The following LRRC7 variants were observed in gnomAD, a reference collection of about 807,000 sequenced individuals.
LRRC7 encodes leucine rich repeat containing 7.
A neutral mutation model predicts 175.7 loss-of-function variants in LRRC7; 23 were observed. The ratio of observed to expected loss-of-function variants is 0.13; its 90% confidence interval spans 0.09 to 0.19. The LOEUF is 0.19. Ranked by LOEUF, LRRC7 falls within the 10% of genes least tolerant of loss-of-function variation. The probability of loss-of-function intolerance (pLI) is 1.00; values close to 1 mark genes in which losing one functional copy is unlikely to be tolerated. For missense variants in LRRC7, 1,354 were observed against 1,904.7 expected (o/e 0.71, Z 5.38); for synonymous variants, 685 against 680.9 (o/e 1.01, Z -0.09).
At chr1:69,726,788 A>T (rs1044438785) in intron 2 of LRRC7, among the ~76,000 whole-genome samples, 1 of 152,120 alleles carries the variant, frequency 6.6e-6, no homozygotes, top group Non-Finnish European at 1.5e-5. Context: ...AAAAAAAAAG[A>T]ATACCAAGGA....
intron 6 of LRRC7, 59 bp from the exon 7 acceptor site, chr1:69,838,168 A>T (rs1398432123): frequency 4.2e-6 from 5 of 1,188,382 alleles, no homozygotes; most frequent in Non-Finnish European, 6.3e-6. Context: ...ACTAGATCTT[A>T]TTCAATAATT....
At chr1:69,767,284 C>A (rs1257929679) in intron 3 of LRRC7, among the ~76,000 whole-genome samples, 1 of 151,914 alleles carries the variant, frequency 6.6e-6, no homozygotes, top group African/African-American at 2.4e-5. Flanking sequence ...GAATATAACA[C>A]TTTTATAAAT....
Position 69,650,282 on chromosome 1 carries a change from T to C in LRRC7, c.3-28099T>C, listed in dbSNP as rs1353067870. Among the ~76,000 whole-genome samples the C allele has an allele frequency of 2.0e-5, 3 of 152,120 alleles. No homozygotes were observed. The East Asian group carries it at 5.8e-4, about 30-fold the overall frequency. On this transcript the variant is annotated intron_variant, in intron 1 of 26. Coordinates refer to ENST00000651989, the MANE Select transcript of LRRC7 (RefSeq NM_001370785.2). ...TCAGCCAGGCGCGGTGGCTCACGCCTGTAATCCCAGCACTTTGGGATGCCA... is the reference window on the plus strand; with the variant it reads ...TCAGCCAGGCGCGGTGGCTCACGCCCGTAATCCCAGCACTTTGGGATGCCA...
At chr1:69,791,549 G>A (rs1037505905) in intron 3 of LRRC7, among the ~76,000 whole-genome samples, 1 of 152,006 alleles carries the variant, frequency 6.6e-6, no homozygotes, top group Admixed American at 6.6e-5. Flanking sequence ...GCAGTTGGGG[G>A]AGGGAGCACA....
intron 8 of LRRC7, among the ~76,000 whole-genome samples, chr1:69,938,554 G>A (rs946082071): frequency 6.6e-6 from 1 of 151,994 alleles, no homozygotes; most frequent in Admixed American, 6.6e-5. Context: ...GATGCTTTGG[G>A]CTAAATAAAT....
intron 2 of LRRC7, among the ~76,000 whole-genome samples, chr1:69,693,724 C>A (rs1218098066): frequency 6.6e-6 from 1 of 152,186 alleles, no homozygotes; most frequent in Non-Finnish European, 1.5e-5. Context: ...AGTTGACACA[C>A]AAAATTAGCA....
chr1:69,780,290 A>C (rs1217403364), intron 3 of LRRC7, among the ~76,000 whole-genome samples: 2 of 152,206 alleles, frequency 1.3e-5, no homozygotes, highest in African/African-American at 4.8e-5. Flanking sequence ...TGGGAATAAA[A>C]TGTTCTTTGC....
At chr1:69,870,109 G>A (rs1685367451) in intron 7 of LRRC7, among the ~76,000 whole-genome samples, 1 of 152,170 alleles carries the variant, frequency 6.6e-6, no homozygotes, top group Non-Finnish European at 1.5e-5. Context: ...TCAGAGAGCA[G>A]TGGGGCAATG....
rs184435617 is a variant in LRRC7, at chr1:69,626,568, G to C, written c.3-51813G>C. 6.9e-4 allele frequency among the ~76,000 whole-genome samples: 105 copies of C among 151,552 alleles called. 1 individual carries two copies. Among genetic ancestry groups the C allele is most frequent in the East Asian group, 5.8e-4 (3 of 5,158 alleles). On this transcript the variant is annotated intron_variant, in intron 1 of 26. Coordinates refer to ENST00000651989, the MANE Select transcript of LRRC7 (RefSeq NM_001370785.2). ...ATACTTTATTTTAAAATTTTATTAT[G>C]ATTATTATTATTATACTATAAGTTC...
intron 9 of LRRC7, 57 bp downstream of exon 9, chr1:69,980,510 T>C: frequency 2.3e-6 from 3 of 1,304,722 alleles, no homozygotes; most frequent in Non-Finnish European, 3.3e-6. Context: ...TTTGTTGTAT[T>C]TGATCATAAT....
intron 23 of LRRC7, among the ~76,000 whole-genome samples, chr1:70,057,994 T>C (rs1661281721): frequency 6.6e-6 from 1 of 151,748 alleles, no homozygotes. Context: ...TCTCTTGCTA[T>C]GCAGTCCCAG....
At chr1:69,795,337 T>G (rs1009313340) in intron 4 of LRRC7, among the ~76,000 whole-genome samples, 1 of 149,294 alleles carries the variant, frequency 6.7e-6, no homozygotes, top group Non-Finnish European at 1.5e-5. Context: ...ATCACGCCAC[T>G]GCACTCTAGC....
At chr1:69,803,952 A>G (rs1676819197) in intron 4 of LRRC7, among the ~76,000 whole-genome samples, 1 of 151,318 alleles carries the variant, frequency 6.6e-6, no homozygotes, top group South Asian at 2.1e-4. Context: ...CTCAAATAGT[A>G]CTATTTTTGC....
chr1:69,614,187 T>G (rs1181487744), intron 1 of LRRC7, among the ~76,000 whole-genome samples: 1 of 152,076 alleles, frequency 6.6e-6, no homozygotes, highest in Non-Finnish European at 1.5e-5. Context: ...TGAAAAATTT[T>G]ATTGGTTTAT....
intron 7 of LRRC7, among the ~76,000 whole-genome samples, chr1:69,905,261 A>T (rs1273550433): frequency 6.6e-6 from 1 of 151,260 alleles, no homozygotes; most frequent in African/African-American, 2.4e-5. Context: ...TTTTATTATT[A>T]TTATTATTAT....
At chr1:69,785,487 T>C (rs1295748155) in intron 3 of LRRC7, among the ~76,000 whole-genome samples, 1 of 152,166 alleles carries the variant, frequency 6.6e-6, no homozygotes, top group African/African-American at 2.4e-5. Flanking sequence ...CCATTTTTAC[T>C]GAAGGCAATC....
rs200685672 is a variant in LRRC7, at chr1:69,911,919, GA to G, written c.648-19576del. ...AGACCTCTGCAGATAGAAAATATTT[GA>G]AAAAAAAAAAACTACAATAATTTTA... is the stretch of plus-strand genomic sequence containing the variant. On this transcript the variant is annotated intron_variant, in intron 7 of 26. Transcript: ENST00000651989. Among the ~76,000 whole-genome samples, 677 of 134,770 alleles carry G rather than the reference GA, an allele frequency of 5.0e-3. 4 individuals carry two copies. The highest frequency in any genetic ancestry group is 0.018 in the South Asian group (75 of 4,270). 88.4% of individuals were successfully genotyped at this position (134,770 alleles called of 152,430 possible).
At chr1:69,608,943 T>C (rs1250523942) in intron 1 of LRRC7, among the ~76,000 whole-genome samples, 1 of 146,576 alleles carries the variant, frequency 6.8e-6, no homozygotes, top group Non-Finnish European at 1.5e-5. Flanking sequence ...TATATAATTT[T>C]ATACAGAAAA....
intron 1 of LRRC7, among the ~76,000 whole-genome samples, chr1:69,583,571 A>G (rs993703742): frequency 6.6e-6 from 1 of 152,316 alleles, no homozygotes; most frequent in Middle Eastern, 3.4e-3. Flanking sequence ...TGCTGTGTTT[A>G]AAATGACTGT....
Sources: allele counts gnomAD v4.1 joint callset (sites outside exome capture counted in the v4.1 genomes callset), GRCh38; gene constraint gnomAD v4.1.1; transcripts MANE v1.5; gene names NCBI Gene and HGNC (gene_info 2026-07-23, HGNC 2026-07-21).